Variants in SNX29 observed in about 807,000 individuals in gnomAD.
SNX29 encodes sorting nexin-29.
In SNX29, 78 loss-of-function variants were observed where a neutral mutation model predicts 102.1. That is an observed-to-expected ratio of 0.76 (90% CI 0.64 to 0.92). SNX29 has a LOEUF of 0.92. Ranked by LOEUF, SNX29 falls within the 40% of genes least tolerant of loss-of-function variation. The probability of loss-of-function intolerance (pLI) is 0.00; values close to 1 mark genes in which losing one functional copy is unlikely to be tolerated. For missense variants in SNX29, 1,280 were observed against 1,061.7 expected, an observed-to-expected ratio of 1.21 and a Z score of -2.86; for synonymous variants, 580 against 414.5, an observed-to-expected ratio of 1.40 and a Z score of -4.85.
At position 12,569,675 on chromosome 16, in the gene SNX29, A is replaced by G. The variant is rs972546584; in HGVS notation, c.*1046A>G. 2.6e-5 allele frequency: 6 copies of G among 229,832 alleles called. No individual in the cohort carries two copies. Among genetic ancestry groups the G allele is most frequent in the Non-Finnish European group, 4.3e-5 (5 of 115,958 alleles). The allele number at this position is 229,832 out of a possible 1,614,324, so 14.2% of individuals were successfully genotyped here. A position where few individuals can be genotyped will look rare whatever the true frequency, so the allele number is the denominator to read the frequency against. On this transcript the variant is annotated 3_prime_UTR_variant, in exon 21 of 21. Transcript: ENST00000566228. ...GTTCCTCCCATGTCAGGTGGCTCTC[A>G]GAGTACAGGGACCTTGGCAGGTGGA... is the stretch of plus-strand genomic sequence containing the variant.
chr16:12,308,622 C>T (rs777920847), intron 15 of SNX29, among the ~76,000 whole-genome samples: 1 of 152,106 alleles, frequency 6.6e-6, no homozygotes, highest in African/African-American at 2.4e-5. Flanking sequence ...AAACAGGAAA[C>T]AAGACAGAAA....
intron 18 of SNX29, among the ~76,000 whole-genome samples, chr16:12,416,653 C>T (rs774623031): frequency 1.3e-5 from 2 of 152,142 alleles, no homozygotes; most frequent in Non-Finnish European, 1.5e-5. Flanking sequence ...AGCATCTGCT[C>T]GGCTTCTGGG....
At chr16:11,981,870 C>T (rs544836681) in intron 1 of SNX29, among the ~76,000 whole-genome samples, 13 of 152,176 alleles carry the variant, frequency 8.5e-5, no homozygotes, top group Middle Eastern at 3.4e-3. Flanking sequence ...CGGATTCATA[C>T]ACATCACCGT....
intron 15 of SNX29, among the ~76,000 whole-genome samples, chr16:12,287,028 C>T (rs1434994903): frequency 1.3e-5 from 2 of 152,116 alleles, no homozygotes; most frequent in Non-Finnish European, 2.9e-5. Context: ...TTTTAGGGGG[C>T]CCCTGGCTCA....
At chr16:12,244,609 G>GA (rs558515301) in intron 14 of SNX29, among the ~76,000 whole-genome samples, 46 of 144,090 alleles carry the variant, frequency 3.2e-4, no homozygotes, top group East Asian at 8.0e-4. Flanking sequence ...CCATCTCAAA[G>GA]AAAAAAAAAA....
chr16:12,260,756 A>C (rs2078717503), intron 14 of SNX29, among the ~76,000 whole-genome samples: 1 of 149,594 alleles, frequency 6.7e-6, no homozygotes. Context: ...CCCCAGCTGG[A>C]GTGAGTGTTC....
rs186803645 is a variant in SNX29 at position 12,085,563 on chromosome 16, G to A, written c.1402+6648G>A. Among the ~76,000 whole-genome samples, 80 of 152,332 alleles carry A rather than the reference G, an allele frequency of 5.3e-4. 1 individual carries two copies. Among genetic ancestry groups the A allele is most frequent in the Admixed American group, 4.4e-3 (67 of 15,304 alleles). Reference sequence around the variant, plus strand: ...GCTGGTCTCAAACTCCTGACTTCAGGTGATCCTCCTGCCTCGGCCTCCCAA... The same window carrying A: ...GCTGGTCTCAAACTCCTGACTTCAGATGATCCTCCTGCCTCGGCCTCCCAA... On this transcript the variant is annotated intron_variant, in intron 11 of 20. Transcript: ENST00000566228.
chr16:12,272,308 G>A (rs894502625), intron 14 of SNX29, among the ~76,000 whole-genome samples: 6 of 152,216 alleles, frequency 3.9e-5, no homozygotes, highest in Admixed American at 6.5e-5. Flanking sequence ...GACTTGAAGC[G>A]GGTTGAATGA....
chr16:12,145,133 C>G (rs1035081456), intron 13 of SNX29, among the ~76,000 whole-genome samples: 1 of 151,772 alleles, frequency 6.6e-6, no homozygotes, highest in South Asian at 2.1e-4. Flanking sequence ...AAGATATACA[C>G]AAGTGGGATT....
Position 12,403,440 on chromosome 16 carries a change from T to G in SNX29, c.1956-8T>G. The G allele has an allele frequency of 1.2e-6, 2 of 1,601,812 alleles. No individual in the cohort carries two copies. Among genetic ancestry groups the G allele is most frequent in the South Asian group, 1.1e-5 (1 of 88,482 alleles). On this transcript the variant is annotated splice_region_variant and splice_polypyrimidine_tract_variant and intron_variant, in intron 17 of 20. Coordinates refer to ENST00000566228, the MANE Select transcript of SNX29 (RefSeq NM_032167.5). ...TAATGTTGGTCTCTCTCTCTTCCTT[T>G]TGGTTAGATCAAACCGGGCGCTGAT...
At chr16:12,228,261 TTCTCCCTTCCACAC>T (rs1446806011) in intron 14 of SNX29, among the ~76,000 whole-genome samples, 1 of 152,238 alleles carries the variant, frequency 6.6e-6, no homozygotes. Context: ...CATACTGCTA[TTCTCCCTTCCACAC>T]CCATGGCAGG....
chr16:12,123,517 C>A (rs2054070367), intron 11 of SNX29, among the ~76,000 whole-genome samples: 1 of 152,022 alleles, frequency 6.6e-6, no homozygotes, highest in South Asian at 2.1e-4. Flanking sequence ...ACATCATATA[C>A]ATAATACATA....
chr16:12,490,100 C>T (rs1240534371), intron 19 of SNX29, among the ~76,000 whole-genome samples: 1 of 152,170 alleles, frequency 6.6e-6, no homozygotes, highest in Non-Finnish European at 1.5e-5. Context: ...GCCACAACGC[C>T]AGGGCTTTTT....
chr16:11,999,200 C>T, intron 1 of SNX29, 97 bp from the exon 2 acceptor site: 2 of 1,073,380 alleles, frequency 1.9e-6, no homozygotes, highest in Non-Finnish European at 1.4e-6. Flanking sequence ...AGTTGTGCTA[C>T]TGATTTTGTT....
chr16:12,260,774 TC>T, intron 14 of SNX29, among the ~76,000 whole-genome samples: 1 of 151,276 alleles, frequency 6.6e-6, no homozygotes, highest in African/African-American at 2.4e-5. Flanking sequence ...TTCGCTGAGC[TC>T]CAGTCTGTGC....
At chr16:12,009,284 C>T (rs2056565411) in intron 3 of SNX29, among the ~76,000 whole-genome samples, 1 of 152,028 alleles carries the variant, frequency 6.6e-6, no homozygotes, top group African/African-American at 2.4e-5. Flanking sequence ...GCTAGCAGGA[C>T]AGAGCAGACC....
intron 20 of SNX29, among the ~76,000 whole-genome samples, chr16:12,559,488 A>G (rs2078587632): frequency 6.6e-6 from 1 of 151,816 alleles, no homozygotes; most frequent in African/African-American, 2.4e-5. Context: ...CCATGTAGTA[A>G]TAATAGAATG....
intron 13 of SNX29, among the ~76,000 whole-genome samples, chr16:12,159,006 G>C (rs1412288649): frequency 2.6e-5 from 4 of 152,226 alleles, no homozygotes; most frequent in African/African-American, 9.6e-5. Context: ...ACACCTGCCT[G>C]TTAGTTTTAG....
At chr16:12,027,689 C>T (rs770657404) in intron 4 of SNX29, 6 of 341,780 alleles carry the variant, frequency 1.8e-5, no homozygotes, top group Admixed American at 9.2e-5. Context: ...CCTCTGGGTT[C>T]GGGGACCTGT....
Sources: allele counts gnomAD v4.1 joint callset (sites outside exome capture counted in the v4.1 genomes callset), GRCh38; gene constraint gnomAD v4.1.1; transcripts MANE v1.5; gene names NCBI Gene and HGNC (gene_info 2026-07-23, HGNC 2026-07-21).